The following CNPY4 variants were observed in gnomAD, a reference collection of about 807,000 sequenced individuals.
CNPY4 encodes the protein protein canopy homolog 4.
In CNPY4, 33 loss-of-function variants were observed where a neutral mutation model predicts 30.1. The ratio of observed to expected loss-of-function variants is 1.10; its 90% confidence interval spans 0.83 to 1.46. CNPY4 has a LOEUF of 1.46. Ranked by LOEUF, CNPY4 falls within the 40% of genes most tolerant of loss-of-function variation. The pLI is 0.00. For synonymous variants in CNPY4, 109 were observed against 110.1 expected (o/e 0.99, Z 0.06); for missense variants, 324 against 302.6 (o/e 1.07, Z -0.52).
chr7:100,123,759 A>G lies in CNPY4; in HGVS notation c.466-755A>G, dbSNP rs540606838. Among the ~76,000 whole-genome samples, 37 of 152,296 alleles carry G rather than the reference A, an allele frequency of 2.4e-4. No homozygotes were observed. The East Asian group carries it at 6.8e-3, about 28-fold the overall frequency. On this transcript the variant is annotated intron_variant, in intron 4 of 5. Transcript: ENST00000262932. ...CTGGTCGAACTCCTGACCTCAGGTG[A>G]TCCACCCGCCTTGGCCTCCCAAAGT...
chr7:100,119,960 C>T, intron 1 of CNPY4, 98 bp downstream of exon 1: 1 of 1,095,144 alleles, frequency 9.1e-7, no homozygotes, highest in Non-Finnish European at 1.3e-6. Flanking sequence ...ACCCGACCTC[C>T]TTGAAGGCTT....
intron 1 of CNPY4, 28 bp downstream of exon 1, chr7:100,119,890 C>T (rs766831275): frequency 2.0e-5 from 32 of 1,565,650 alleles, no homozygotes; most frequent in African/African-American, 2.7e-5. Flanking sequence ...CCCCTATAGG[C>T]ATCGCCCGGC....
intron 1 of CNPY4, chr7:100,121,067 A>G (rs1242936792): frequency 9.7e-6 from 1 of 103,146 alleles, no homozygotes; most frequent in Non-Finnish European, 1.9e-5. Flanking sequence ...GGGACATACT[A>G]TTATTATCCA....
intron 4 of CNPY4, among the ~76,000 whole-genome samples, chr7:100,123,302 A>G (rs1045409408): frequency 6.6e-6 from 1 of 151,888 alleles, no homozygotes; most frequent in African/African-American, 2.4e-5. Flanking sequence ...AGATCGCACC[A>G]TTGCACTCCA....
intron 1 of CNPY4, chr7:100,121,116 A>ATATATACATATAT (rs1584585316): frequency 1.9e-5 from 1 of 52,800 alleles, no homozygotes. Flanking sequence ...ATATATATAT[A>ATATATACATATAT]TTTTTTTTTT....
chr7:100,122,239 AC>A lies in CNPY4; in HGVS notation c.119-19del. The A allele has an allele frequency of 6.2e-7, 1 of 1,613,386 alleles. No homozygotes were observed. The highest frequency in any genetic ancestry group is 8.5e-7 in the Non-Finnish European group (1 of 1,179,840). Reference sequence around the variant, plus strand: ...GTGTTTGTCTTTTACCTCCCCCCGGACGTTTCTCCTCCCCACCAGTGTGTAA... The same window carrying A: ...GTGTTTGTCTTTTACCTCCCCCCGGAGTTTCTCCTCCCCACCAGTGTGTAA... On this transcript the variant is annotated intron_variant, in intron 1 of 5. Transcript: ENST00000262932.
chr7:100,122,988 G>T (rs1798114515), intron 4 of CNPY4, 82 bp downstream of exon 4: 1 of 1,451,434 alleles, frequency 6.9e-7, no homozygotes, highest in Non-Finnish European at 9.3e-7. Flanking sequence ...GACTATAGGG[G>T]ATGTCTACCC....
chr7:100,121,116 A>ATATTTTT (rs1584585316), intron 1 of CNPY4: 4 of 52,778 alleles, frequency 7.6e-5, no homozygotes, highest in African/African-American at 2.9e-4. Context: ...ATATATATAT[A>ATATTTTT]TTTTTTTTTT....
chr7:100,122,724 A>T (rs1280624620), intron 3 of CNPY4, 60 bp from the exon 4 acceptor site: 4 of 1,574,610 alleles, frequency 2.5e-6, no homozygotes, highest in Admixed American at 3.6e-5. Flanking sequence ...GAAATGGCAG[A>T]AAGGGGAAGG....
intron 4 of CNPY4, among the ~76,000 whole-genome samples, 178 bp downstream of exon 4, chr7:100,123,084 G>C (rs754342176): frequency 6.6e-6 from 1 of 152,184 alleles, no homozygotes; most frequent in Non-Finnish European, 1.5e-5. Flanking sequence ...GCTCACACCT[G>C]TAATCCCAGC....
intron 4 of CNPY4, among the ~76,000 whole-genome samples, chr7:100,123,464 T>TA (rs1231987083): frequency 7.2e-5 from 11 of 152,112 alleles, no homozygotes; most frequent in African/African-American, 2.7e-4. Flanking sequence ...AGACCAGAGT[T>TA]AGAGACCAGC....
intron 1 of CNPY4, 99 bp from the exon 2 acceptor site, chr7:100,122,160 G>A: frequency 6.8e-7 from 1 of 1,476,782 alleles, no homozygotes; most frequent in Non-Finnish European, 9.3e-7. Context: ...TGGCTCCATA[G>A]TCTGCACTTG....
intron 4 of CNPY4, 145 bp downstream of exon 4, chr7:100,123,051 T>G: frequency 1.1e-6 from 1 of 913,330 alleles, no homozygotes; most frequent in Non-Finnish European, 1.5e-6. Flanking sequence ...TTAAAGTGGG[T>G]CCAGGAGCGG....
At chr7:100,120,701 T>C (rs1311877600) in intron 1 of CNPY4, among the ~76,000 whole-genome samples, 1 of 152,162 alleles carries the variant, frequency 6.6e-6, no homozygotes, top group African/African-American at 2.4e-5. Flanking sequence ...ATTGTATCAG[T>C]CCTTGCTTTA....
intron 4 of CNPY4, among the ~76,000 whole-genome samples, chr7:100,123,905 C>T (rs552892849): frequency 3.9e-5 from 6 of 152,096 alleles, no homozygotes; most frequent in Admixed American, 1.3e-4. Flanking sequence ...GCGAGACAGG[C>T]GGATCACGAC....
intron 4 of CNPY4, among the ~76,000 whole-genome samples, chr7:100,124,245 T>G (rs1009292187): frequency 1.3e-5 from 2 of 151,894 alleles, no homozygotes; most frequent in Admixed American, 1.3e-4. Flanking sequence ...TAGCCTCATT[T>G]TACCCTTAAC....
chr7:100,122,677 G>A, intron 3 of CNPY4, 100 bp downstream of exon 3: 1 of 1,520,630 alleles, frequency 6.6e-7, no homozygotes, highest in Non-Finnish European at 8.9e-7. Flanking sequence ...TCACCATCAT[G>A]GAACTCACCC....
chr7:100,124,281 C>T (rs1015992294), intron 4 of CNPY4, among the ~76,000 whole-genome samples: 2 of 151,402 alleles, frequency 1.3e-5, no homozygotes, highest in African/African-American at 4.9e-5. Context: ...GTGCAATTAC[C>T]ATACATATTT....
rs764917274 is a variant in CNPY4, at chr7:100,122,516, G to T, written c.281G>T (p.Cys94Phe). ...CTGGAAGAGGCCTTAGAGAATTTAT[G>T]TGAGCGGATCCTGGACTATAGTGTT... is the stretch of plus-strand genomic sequence containing the variant. ...TRLEEALENL[C>F]ERILDYSVHA... The change falls in exon 3 of 6, where the codon TGT becomes TTT. Residue 94 changes from cysteine (C) to phenylalanine (F), a missense_variant. Coordinates refer to ENST00000262932, the MANE Select transcript of CNPY4 (RefSeq NM_152755.2). 2.5e-6 allele frequency: 4 copies of T among 1,613,910 alleles called. No individual in the cohort carries two copies. The East Asian group carries it at 8.9e-5, about 36-fold the overall frequency.
Sources: gnomAD v4.1 joint callset for allele counts (sites outside exome capture counted in the v4.1 genomes callset) on GRCh38, gnomAD v4.1.1 for gene constraint, MANE v1.5 for transcripts, NCBI Gene and HGNC (gene_info 2026-07-23, HGNC 2026-07-21) for gene names.